EYA2: variants seen among roughly 807,000 people sequenced by gnomAD.
EYA2 encodes the protein EYA transcriptional coactivator and phosphatase 2, also known as protein phosphatase EYA2.
Under a neutral mutation model 69.2 loss-of-function variants are expected in EYA2, and 31 were observed. The ratio of observed to expected loss-of-function variants is 0.45; its 90% CI spans 0.34 to 0.60. EYA2 has a LOEUF of 0.60. EYA2 is among the 20% of genes least tolerant of loss of function. The probability of loss-of-function intolerance (pLI) is 0.02; values close to 1 mark genes in which losing one functional copy is unlikely to be tolerated. For missense variants in EYA2, 622 were observed against 701.2 expected (o/e 0.89, Z 1.28); for synonymous variants, 257 against 279.4 (o/e 0.92, Z 0.80).
At chr20:46,982,216 G>A (rs1224307351) in intron 1 of EYA2, among the ~76,000 whole-genome samples, 1 of 152,044 alleles carries the variant, frequency 6.6e-6, no homozygotes, top group African/African-American at 2.4e-5. Context: ...TTTTGATTTT[G>A]TCTTCATTTT....
chr20:47,076,527 C>T (rs2031524749), intron 7 of EYA2, among the ~76,000 whole-genome samples: 1 of 152,146 alleles, frequency 6.6e-6, no homozygotes, highest in Admixed American at 6.5e-5. Flanking sequence ...TGTTCATGTC[C>T]TTTGCCCATT....
At chr20:46,950,018 T>C (rs1261758617) in intron 1 of EYA2, among the ~76,000 whole-genome samples, 1 of 152,214 alleles carries the variant, frequency 6.6e-6, no homozygotes, top group East Asian at 1.9e-4. Flanking sequence ...ACCTTGGCAT[T>C]CTGGTTCCAT....
intron 7 of EYA2, among the ~76,000 whole-genome samples, chr20:47,076,314 A>T (rs1466853540): frequency 6.6e-6 from 1 of 152,242 alleles, no homozygotes; most frequent in African/African-American, 2.4e-5. Context: ...ACTAATTTAC[A>T]TTCCCATGAA....
chr20:47,187,283 C>T lies in EYA2; in HGVS notation c.1537-770C>T, dbSNP rs532122593. 4.6e-5 allele frequency among the ~76,000 whole-genome samples: 7 copies of T among 151,800 alleles called. No homozygotes were observed. In the East Asian group the frequency reaches 1.4e-3, roughly 30 times the overall value. On this transcript the variant is annotated intron_variant, in intron 15 of 15. Coordinates refer to ENST00000327619, the MANE Select transcript of EYA2 (RefSeq NM_005244.5). ...ACCCGGGAGGCTAAGGTAGGAGGATCGCTTGAGCCTGGGAGGTTGAGGCTG... is the reference window on the plus strand; with the variant it reads ...ACCCGGGAGGCTAAGGTAGGAGGATTGCTTGAGCCTGGGAGGTTGAGGCTG...
chr20:47,089,193 C>T, intron 7 of EYA2, 46 bp from the exon 8 acceptor site: 2 of 1,601,132 alleles, frequency 1.2e-6, no homozygotes, highest in Non-Finnish European at 1.7e-6. Context: ...GGAGGAGACA[C>T]CCAGCAAAGC....
chr20:47,004,417 G>A (rs1982565201), intron 3 of EYA2, among the ~76,000 whole-genome samples: 1 of 152,218 alleles, frequency 6.6e-6, no homozygotes, highest in Non-Finnish European at 1.5e-5. Context: ...GACAATCGGG[G>A]TAGGATAGGC....
intron 5 of EYA2, among the ~76,000 whole-genome samples, chr20:47,066,900 C>A (rs1264828030): frequency 6.6e-5 from 10 of 152,078 alleles, no homozygotes; most frequent in Non-Finnish European, 2.9e-5. Context: ...TTTCACATTC[C>A]AGCACCAAGC....
intron 11 of EYA2, among the ~76,000 whole-genome samples, chr20:47,170,207 C>G (rs753876228): frequency 1.3e-5 from 2 of 152,008 alleles, no homozygotes; most frequent in African/African-American, 4.8e-5. Context: ...CGCACCCGAC[C>G]AGCATGCATA....
At chr20:47,034,221 C>G (rs1263821507) in intron 5 of EYA2, among the ~76,000 whole-genome samples, 1 of 152,140 alleles carries the variant, frequency 6.6e-6, no homozygotes, top group Non-Finnish European at 1.5e-5. Flanking sequence ...TCATTAATGG[C>G]AAGTGGTATT....
chr20:46,917,458 A>G (rs1984960439), intron 1 of EYA2, among the ~76,000 whole-genome samples: 2 of 152,236 alleles, frequency 1.3e-5, no homozygotes. Context: ...CCTTTTTGCC[A>G]AACACCAATA....
chr20:47,084,856 G>A (rs1389877394), intron 7 of EYA2, among the ~76,000 whole-genome samples: 2 of 127,264 alleles, frequency 1.6e-5, no homozygotes, highest in Admixed American at 8.5e-5. Flanking sequence ...TTTTTTTTGA[G>A]ACAGGTTCTC....
intron 9 of EYA2, among the ~76,000 whole-genome samples, chr20:47,124,860 A>T (rs989780702): frequency 2.9e-5 from 4 of 137,980 alleles, no homozygotes; most frequent in Admixed American, 7.7e-5. Flanking sequence ...AGCTGAAAGA[A>T]CATTCTTCAA....
chr20:47,105,230 G>C (rs569594763), intron 9 of EYA2, among the ~76,000 whole-genome samples: 2 of 152,258 alleles, frequency 1.3e-5, no homozygotes, highest in Admixed American at 1.3e-4. Flanking sequence ...ATCTCCATTG[G>C]TTTTATTTTT....
Position 47,080,800 on chromosome 20 carries a change from G to A in EYA2, c.661+6465G>A, listed in dbSNP as rs556418561. On this transcript the variant is annotated intron_variant, in intron 7 of 15. Coordinates refer to ENST00000327619, the MANE Select transcript of EYA2 (RefSeq NM_005244.5). ...AGGCAAAGAGAGAACTCGTGCAGGC[G>A]AACTGCCACTTTCTTAAAACCATCA... Among the ~76,000 whole-genome samples the A allele has an allele frequency of 1.2e-4, 19 of 152,230 alleles. No homozygotes were observed. In the East Asian group the frequency reaches 1.5e-3, roughly 12 times the overall value.
At chr20:46,896,117 T>C (rs1983799445) in intron 1 of EYA2, among the ~76,000 whole-genome samples, 1 of 152,150 alleles carries the variant, frequency 6.6e-6, no homozygotes, top group African/African-American at 2.4e-5. Context: ...GTGGAAGAGC[T>C]GAACATTGGA....
intron 1 of EYA2, among the ~76,000 whole-genome samples, chr20:46,895,375 C>T (rs1004520610): frequency 1.3e-5 from 2 of 152,254 alleles, no homozygotes; most frequent in South Asian, 2.1e-4. Context: ...GGCGCTCCCC[C>T]AGTCCGCAAA....
At chr20:47,080,108 T>C (rs1472379193) in intron 7 of EYA2, among the ~76,000 whole-genome samples, 3 of 152,158 alleles carry the variant, frequency 2.0e-5, no homozygotes, top group Non-Finnish European at 2.9e-5. Flanking sequence ...CAAGTTTCAG[T>C]ACCTTTAAAA....
chr20:47,174,581 C>T lies in EYA2; in HGVS notation c.1198+1714C>T, dbSNP rs149250079. On this transcript the variant is annotated intron_variant, in intron 12 of 15. Coordinates refer to ENST00000327619, the MANE Select transcript of EYA2 (RefSeq NM_005244.5). ...CCGTTCTTTGGGACAGACTTCCCGT[C>T]GTGTTCATGGCTGCGGTGCTAATGC... Among the ~76,000 whole-genome samples the T allele has an allele frequency of 3.6e-3, 542 of 152,330 alleles. 2 individuals are homozygous for T. In the Middle Eastern group the frequency reaches 0.044, roughly 12 times the overall value.
intron 9 of EYA2, among the ~76,000 whole-genome samples, chr20:47,130,033 G>A (rs941855835): frequency 7.7e-6 from 1 of 129,076 alleles, no homozygotes; most frequent in Non-Finnish European, 1.6e-5. Context: ...CCCCCACCAC[G>A]GATCAGATCA....
Sources: gnomAD v4.1 joint callset for allele counts (sites outside exome capture counted in the v4.1 genomes callset) on GRCh38, gnomAD v4.1.1 for gene constraint, MANE v1.5 for transcripts, NCBI Gene and HGNC (gene_info 2026-07-23, HGNC 2026-07-21) for gene names.